Variants in MITF observed in about 807,000 individuals in gnomAD.
MITF encodes microphthalmia-associated transcription factor.
Under a neutral mutation model 60.5 loss-of-function variants are expected in MITF, and 17 were observed. The ratio of observed to expected loss-of-function variants is 0.28; its 90% confidence interval spans 0.19 to 0.42. The LOEUF (loss-of-function observed/expected upper bound fraction) is 0.42. Ranked by LOEUF, MITF falls within the 10% of genes least tolerant of loss-of-function variation. MITF has a pLI of 1.00. For synonymous variants in MITF, 260 were observed against 248.5 expected (o/e 1.05, Z -0.43); for missense variants, 622 against 683.5 (o/e 0.91, Z 1.00).
chr3:69,940,242 C>T (rs2065938513), intron 4 of MITF, among the ~76,000 whole-genome samples: 1 of 152,110 alleles, frequency 6.6e-6, no homozygotes, highest in South Asian at 2.1e-4. Flanking sequence ...CCAACCCAAA[C>T]CTATGAATTT....
intron 1 of MITF, among the ~76,000 whole-genome samples, chr3:69,839,931 G>A (rs539476817): frequency 6.6e-6 from 1 of 152,018 alleles, no homozygotes; most frequent in East Asian, 1.9e-4. Flanking sequence ...CTGTTGCAAG[G>A]GCTGTGTGAA....
At chr3:69,943,015 T>A (rs931023318) in intron 5 of MITF, among the ~76,000 whole-genome samples, 7 of 151,730 alleles carry the variant, frequency 4.6e-5, no homozygotes, top group Non-Finnish European at 1.0e-4. Flanking sequence ...TTTTTTGTAA[T>A]GGCAAAGACC....
At chr3:69,963,085 T>G (rs1296291893) in intron 9 of MITF, among the ~76,000 whole-genome samples, 1 of 152,192 alleles carries the variant, frequency 6.6e-6, no homozygotes, top group Non-Finnish European at 1.5e-5. Flanking sequence ...TAGTAAAATC[T>G]CTTTTTAAAT....
chr3:69,748,286 G>A (rs1703808636), intron 1 of MITF, among the ~76,000 whole-genome samples: 1 of 152,076 alleles, frequency 6.6e-6, no homozygotes, highest in Non-Finnish European at 1.5e-5. Flanking sequence ...TTTTGCCCAG[G>A]CTGGAGTGCA....
chr3:69,938,574 A>G lies in MITF; in HGVS notation c.583-524A>G, dbSNP rs1407300810. 4 of 1,391,954 alleles carry G rather than the reference A, an allele frequency of 2.9e-6. No individual in the cohort carries two copies. In the East Asian group the frequency reaches 1.1e-4, roughly 37 times the overall value. The allele number at this position is 1,391,954 out of a possible 1,614,324, so 86.2% of individuals were successfully genotyped here. On this transcript the variant is annotated intron_variant, in intron 3 of 9. Coordinates refer to ENST00000352241, the MANE Select transcript of MITF (RefSeq NM_001354604.2). ...ACTTTAACGGAAACGCAAAGGTTTA[A>G]TTGCTGGATACATTCTGTTTCATAA...
chr3:69,962,353 A>T (rs1481905736), intron 9 of MITF, among the ~76,000 whole-genome samples: 2 of 152,210 alleles, frequency 1.3e-5, no homozygotes, highest in African/African-American at 4.8e-5. Flanking sequence ...GGGCTTTCAA[A>T]TGGTGCCTGA....
chr3:69,848,279 G>A (rs189854669), intron 1 of MITF, among the ~76,000 whole-genome samples: 28 of 152,328 alleles, frequency 1.8e-4, no homozygotes, highest in Admixed American at 1.4e-3. Flanking sequence ...CCTGGCCAGC[G>A]TTCTGGGGAA....
At chr3:69,962,951 C>G (rs2066587445) in intron 9 of MITF, among the ~76,000 whole-genome samples, 1 of 152,154 alleles carries the variant, frequency 6.6e-6, no homozygotes, top group South Asian at 2.1e-4. Context: ...CTTCTGAGGC[C>G]TCTCTCCTTG....
intron 1 of MITF, among the ~76,000 whole-genome samples, chr3:69,877,283 TTTAAG>T (rs1192514488): frequency 1.3e-5 from 2 of 152,204 alleles, no homozygotes; most frequent in Admixed American, 1.3e-4. Context: ...TTTTTGCACA[TTTAAG>T]TTATTTACTT....
intron 1 of MITF, among the ~76,000 whole-genome samples, chr3:69,837,492 G>A (rs913897789): frequency 6.6e-6 from 1 of 152,168 alleles, no homozygotes; most frequent in Non-Finnish European, 1.5e-5. Context: ...TATCTGTCTA[G>A]TGGGATTTTA....
chr3:69,794,888 A>G (rs1400062521), intron 1 of MITF, among the ~76,000 whole-genome samples: 1 of 152,238 alleles, frequency 6.6e-6, no homozygotes, highest in Non-Finnish European at 1.5e-5. Flanking sequence ...TAGCTTTTTT[A>G]GTCTAACAGT....
At chr3:69,876,431 G>T (rs916961546) in intron 1 of MITF, among the ~76,000 whole-genome samples, 1 of 139,412 alleles carries the variant, frequency 7.2e-6, no homozygotes, top group African/African-American at 2.6e-5. Context: ...CCCGCCACCC[G>T]CCATGCCCCT....
intron 2 of MITF, among the ~76,000 whole-genome samples, chr3:69,930,140 T>C (rs1315702667): frequency 6.6e-6 from 1 of 152,084 alleles, no homozygotes; most frequent in Admixed American, 6.6e-5. Context: ...TCTGCAGTCC[T>C]CCAAACGGTG....
intron 1 of MITF, among the ~76,000 whole-genome samples, chr3:69,772,312 C>T (rs1228233147): frequency 6.6e-6 from 1 of 152,112 alleles, no homozygotes; most frequent in African/African-American, 2.4e-5. Flanking sequence ...ATTGAAGCTT[C>T]ATGTTTTATA....
chr3:69,809,495 A>G (rs1000675698), intron 1 of MITF, among the ~76,000 whole-genome samples: 1 of 152,204 alleles, frequency 6.6e-6, no homozygotes, highest in Admixed American at 6.5e-5. Context: ...CTTTGGGCCC[A>G]ACTGGTAGAT....
At chr3:69,886,519 A>C (rs1286709836) in intron 2 of MITF, among the ~76,000 whole-genome samples, 1 of 152,122 alleles carries the variant, frequency 6.6e-6, no homozygotes, top group Non-Finnish European at 1.5e-5. Context: ...TCCTACTGTA[A>C]GGACATGCTC....
At chr3:69,908,062 C>G (rs1040965898) in intron 2 of MITF, among the ~76,000 whole-genome samples, 9 of 151,562 alleles carry the variant, frequency 5.9e-5, no homozygotes, top group African/African-American at 2.2e-4. Context: ...CCCTAAAACT[C>G]TTTTGCAGGA....
chr3:69,911,089 C>T (rs188716323), intron 2 of MITF, among the ~76,000 whole-genome samples: 2 of 152,132 alleles, frequency 1.3e-5, no homozygotes, highest in East Asian at 1.9e-4. Flanking sequence ...CAGTCTTTCC[C>T]GTGCTATTCT....
chr3:69,796,480 C>A (rs115678907), intron 1 of MITF, among the ~76,000 whole-genome samples: 2,796 of 142,048 alleles, frequency 0.02, 39 homozygotes, highest in Non-Finnish European at 0.032. Flanking sequence ...GTGAAGCTTA[C>A]AAACACCGTC....
Sources: allele counts gnomAD v4.1 joint callset (sites outside exome capture counted in the v4.1 genomes callset), GRCh38; gene constraint gnomAD v4.1.1; transcripts MANE v1.5; gene names NCBI Gene and HGNC (gene_info 2026-07-23, HGNC 2026-07-21).